Variants in NIPA2 observed in about 807,000 individuals in gnomAD.
NIPA2 encodes NIPA magnesium transporter 2, also known as magnesium transporter NIPA2.
In NIPA2, 11 loss-of-function variants were observed where a neutral mutation model predicts 29.7. The ratio of observed to expected loss-of-function variants is 0.37; its 90% CI spans 0.23 to 0.61. The LOEUF is 0.61. Among genes scored for constraint, NIPA2 ranks in the 20% least tolerant of loss-of-function variants. NIPA2 has a pLI of 0.66. For synonymous variants in NIPA2, 183 were observed against 161.9 expected (o/e 1.13, Z -0.99); for missense variants, 426 against 437.9 (o/e 0.97, Z 0.24).
rs557922225 is a variant in NIPA2, at chr15:22,850,592, A to G, written c.-93-1047A>G. ...TAATGTTATCACTCCTTATTTAACT[A>G]TCTCTTGTCTGTCTTCCTTGTGAAG... On this transcript the variant is annotated intron_variant, in intron 3 of 7. Transcript: ENST00000337451. 3.3e-5 allele frequency among the ~76,000 whole-genome samples: 5 copies of G among 152,328 alleles called. No individual in the cohort carries two copies. In the South Asian group the frequency reaches 6.2e-4, roughly 19 times the overall value.
intron 5 of NIPA2, 41 bp downstream of exon 5, chr15:22,853,309 A>G: frequency 8.0e-7 from 1 of 1,256,228 alleles, no homozygotes; most frequent in Non-Finnish European, 1.2e-6. Flanking sequence ...TGATAGCTAT[A>G]TATTAAAATA....
At chr15:22,856,218 G>A (rs1339125372) in intron 5 of NIPA2, among the ~76,000 whole-genome samples, 2 of 151,986 alleles carry the variant, frequency 1.3e-5, no homozygotes, top group East Asian at 3.9e-4. Flanking sequence ...TCAGTTGGAA[G>A]GGAAAAAATG....
At chr15:22,848,943 C>A (rs997713510) in intron 3 of NIPA2, among the ~76,000 whole-genome samples, 8 of 151,022 alleles carry the variant, frequency 5.3e-5, no homozygotes, top group African/African-American at 1.7e-4. Flanking sequence ...GCTAAAAGGG[C>A]GAATATCATG....
intron 2 of NIPA2, among the ~76,000 whole-genome samples, chr15:22,843,619 C>G (rs917786697): frequency 1.3e-5 from 2 of 151,012 alleles, no homozygotes; most frequent in South Asian, 4.2e-4. Flanking sequence ...TTAAGGCTGT[C>G]TATGCACTTC....
chr15:22,867,335 A>ATATT lies in NIPA2; in HGVS notation c.*493_*496dup, dbSNP rs1357513271. The ATATT allele has an allele frequency of 3.0e-5, 12 of 396,404 alleles. No individual in the cohort carries two copies. The highest frequency in any genetic ancestry group is 5.3e-5 in the Non-Finnish European group (12 of 225,054). The allele number at this position is 396,404 out of a possible 1,614,324, so 24.6% of individuals were successfully genotyped here. ...GATGATGATTGGTTTTATTTTTGAA[A>ATATT]TATTTATTAAGGGAAAACTAAGTTA... On this transcript the variant is annotated 3_prime_UTR_variant, in exon 8 of 8. Coordinates refer to ENST00000337451, the MANE Select transcript of NIPA2 (RefSeq NM_030922.7).
intron 5 of NIPA2, among the ~76,000 whole-genome samples, chr15:22,855,722 C>A (rs958869021): frequency 6.6e-6 from 1 of 151,984 alleles, no homozygotes; most frequent in Non-Finnish European, 1.5e-5. Context: ...AGATCTGCAG[C>A]CAGGGCCAGC....
intron 5 of NIPA2, 71 bp downstream of exon 5, chr15:22,853,339 C>T: frequency 1.1e-6 from 1 of 925,464 alleles, no homozygotes; most frequent in Non-Finnish European, 1.7e-6. Flanking sequence ...GGTATTATAG[C>T]CTCATTACTA....
Position 22,866,421 on chromosome 15 carries a change from G to C in NIPA2, c.657G>C (p.Trp219Cys). 1 of 1,614,134 alleles carries C rather than the reference G, an allele frequency of 6.2e-7. No homozygotes were observed. Among genetic ancestry groups the C allele is most frequent in the South Asian group, 1.1e-5 (1 of 91,080 alleles). The stretch of plus-strand genomic sequence containing the variant: ...CTGTGCTGCGGCATCCCCTGGCTTG[G>C]ATTCTGCTGCTGAGCCTCATCGTCT... ...GKPVLRHPLA[W>C]ILLLSLIVCV... The change falls in exon 8 of 8, where the codon TGG (tryptophan) becomes TGC (cysteine). Residue 219 changes from tryptophan to cysteine, a missense_variant. Trp to Cys is a radical substitution (Grantham distance 215). Around this residue, in one of 3 missense-constraint regions of NIPA2, gnomAD observed 357 missense variants for 339.8 expected, o/e 1.05. Transcript: ENST00000337451.
intron 7 of NIPA2, among the ~76,000 whole-genome samples, chr15:22,863,228 G>A (rs189482624): frequency 7.9e-5 from 12 of 151,948 alleles, no homozygotes; most frequent in East Asian, 3.9e-4. Context: ...ACAGGCATGC[G>A]CCACTGTGCC....
chr15:22,846,905 T>G (rs1049676485), intron 3 of NIPA2, among the ~76,000 whole-genome samples: 2 of 148,220 alleles, frequency 1.3e-5, no homozygotes, highest in African/African-American at 4.9e-5. Context: ...TGTTGTTGTT[T>G]TTTTTTTGTT....
Position 22,858,332 on chromosome 15 carries a change from C to T in NIPA2, c.197-208C>T, listed in dbSNP as rs900813324. 4.6e-5 allele frequency among the ~76,000 whole-genome samples: 7 copies of T among 152,032 alleles called. No homozygotes were observed. The East Asian group carries it at 5.8e-4, about 13-fold the overall frequency. ...TGGCGTGAACCCGGGAGGCGGAGCTCGCAGTGAGTTGAGATCACACCACTG... is the reference window on the plus strand; with the variant it reads ...TGGCGTGAACCCGGGAGGCGGAGCTTGCAGTGAGTTGAGATCACACCACTG... On this transcript the variant is annotated intron_variant, in intron 5 of 7. Coordinates refer to ENST00000337451, the MANE Select transcript of NIPA2 (RefSeq NM_030922.7).
intron 7 of NIPA2, among the ~76,000 whole-genome samples, chr15:22,863,729 A>G (rs1309518423): frequency 6.6e-6 from 1 of 152,138 alleles, no homozygotes; most frequent in Non-Finnish European, 1.5e-5. Context: ...AGTCCCCTTA[A>G]GCTTAGGCCG....
chr15:22,853,044 C>T (rs2057892876), intron 4 of NIPA2, among the ~76,000 whole-genome samples, 168 bp from the exon 5 acceptor site: 1 of 152,118 alleles, frequency 6.6e-6, no homozygotes, highest in Non-Finnish European at 1.5e-5. Flanking sequence ...GATTCATTCA[C>T]CTTGGCAAGA....
At chr15:22,847,823 G>A (rs1157105404) in intron 3 of NIPA2, among the ~76,000 whole-genome samples, 1 of 151,544 alleles carries the variant, frequency 6.6e-6, no homozygotes, top group Non-Finnish European at 1.5e-5. Flanking sequence ...TTGAGACAGA[G>A]TTTCTATCTT....
intron 2 of NIPA2, among the ~76,000 whole-genome samples, chr15:22,841,752 C>G (rs1007918326): frequency 2.0e-5 from 3 of 152,154 alleles, no homozygotes; most frequent in Non-Finnish European, 2.9e-5. Flanking sequence ...CATGATCCAC[C>G]CGCCTCGACC....
rs780129044 is a variant in NIPA2, at chr15:22,866,738, C to G, written c.974C>G (p.Ser325Cys). 2.0e-5 allele frequency: 32 copies of G among 1,613,914 alleles called. 1 individual carries two copies. The South Asian group carries it at 3.1e-4, about 16-fold the overall frequency. ...GAGAAAGCAATGAATGGCAATCTCT[C>G]TAATATGTATGAAGTTCTTAATAAT... ...KDEKAMNGNLSNMYEVLNNNE... is the reference protein window; with the variant it reads ...KDEKAMNGNLCNMYEVLNNNE... Residue 325 changes from serine to cysteine, a missense_variant, in exon 8 of 8, where the codon TCT becomes TGT. Physicochemically the swap from Ser to Cys is moderately radical, Grantham distance 112 (BLOSUM62 -1). This residue lies in a region of NIPA2 where 357 missense variants were observed against 339.8 expected (regional missense o/e 1.05). Coordinates refer to ENST00000337451, the MANE Select transcript of NIPA2 (RefSeq NM_030922.7).
At chr15:22,852,483 C>CAAAAAAAAAAAA (rs2057838392) in intron 4 of NIPA2, among the ~76,000 whole-genome samples, 1 of 119,524 alleles carries the variant, frequency 8.4e-6, no homozygotes, top group Admixed American at 9.4e-5. Flanking sequence ...AAAAAAAAAG[C>CAAAAAAAAAAAA]CATGGTTAAA....
Position 22,866,814 on chromosome 15 carries a change from CT to C in NIPA2, c.1051del (p.Ser351ProfsTer7), listed in dbSNP as rs1566881866. The C allele has an allele frequency of 6.3e-7, 1 of 1,598,536 alleles. No homozygotes were observed. The highest frequency in any genetic ancestry group is 1.3e-5 in the African/African-American group (1 of 74,194). On this transcript the variant is annotated frameshift_variant, in exon 8 of 8. Transcript: ENST00000337451. LOFTEE classifies it high-confidence loss of function. The stretch of plus-strand genomic sequence containing the variant: ...TCGAACAACACACTGGTGAAAATGT[CT>C]CCCGAAGAAATGGAAATCTGACAGC... ...GIEQHTGENV[S>X]RRNGNLTAF is the part of the protein sequence containing the mutation.
In NIPA2 at chr15:22,867,174, G is replaced by C; in HGVS notation, c.*327G>C. The C allele has an allele frequency of 2.3e-6, 1 of 442,486 alleles. No homozygotes were observed. Among genetic ancestry groups the C allele is most frequent in the Non-Finnish European group, 3.9e-6 (1 of 253,234 alleles). The allele number at this position is 442,486 out of a possible 1,614,324, so 27.4% of individuals were successfully genotyped here. ...CTTTATTTTTTCATTGGTGATGAAA[G>C]TCTGAAATGTGCATTTGTCATCCCC... On this transcript the variant is annotated 3_prime_UTR_variant, in exon 8 of 8. Coordinates refer to ENST00000337451, the MANE Select transcript of NIPA2 (RefSeq NM_030922.7).
Sources: gnomAD v4.1 joint callset for allele counts (sites outside exome capture counted in the v4.1 genomes callset) on GRCh38, gnomAD v4.1.1 for gene constraint, gnomAD v4.1.1 regional missense constraint, MANE v1.5 for transcripts, NCBI Gene and HGNC (gene_info 2026-07-23, HGNC 2026-07-21) for gene names.